DACH2: variants seen among roughly 807,000 people sequenced by gnomAD.
The protein encoded by DACH2 is dachshund homolog 2.
A neutral mutation model predicts 35.8 loss-of-function variants in DACH2; 17 were observed. The observed-to-expected ratio is 0.48, with a 90% CI of 0.33 to 0.71. The LOEUF (loss-of-function observed/expected upper bound fraction) is 0.71, where lower values mean the gene tolerates loss of function less well. DACH2 is among the 30% of genes least tolerant of loss of function. The pLI, the probability that DACH2 is intolerant of heterozygous loss-of-function variation, is 0.02. For missense variants in DACH2, 469 were observed against 472.7 expected, an observed-to-expected ratio of 0.99 and a Z score of 0.07; for synonymous variants, 195 against 177.3, an observed-to-expected ratio of 1.10 and a Z score of -0.79.
At chrX:86,321,142 T>A (rs1184588927) in intron 1 of DACH2, among the ~76,000 whole-genome samples, 1 of 111,443 alleles carries the variant, frequency 9.0e-6, no homozygotes, top group Non-Finnish European at 1.9e-5. Context: ...AAACCCTATA[T>A]CCCCTTTTAG....
intron 2 of DACH2, among the ~76,000 whole-genome samples, chrX:86,451,991 G>T (rs756011732): frequency 9.9e-5 from 11 of 111,113 alleles, no homozygotes; most frequent in Non-Finnish European, 1.9e-4. Flanking sequence ...ATTATTTTGA[G>T]GTATGTTCCT....
intron 1 of DACH2, among the ~76,000 whole-genome samples, chrX:86,288,571 A>G (rs1410332055): frequency 1.8e-5 from 2 of 112,003 alleles, no homozygotes; most frequent in Non-Finnish European, 3.8e-5. Context: ...ATTCTATTGT[A>G]CTGTGGCTAC....
intron 1 of DACH2, among the ~76,000 whole-genome samples, chrX:86,295,678 T>C (rs2034436579): frequency 9.0e-6 from 1 of 110,826 alleles, no homozygotes; most frequent in Non-Finnish European, 1.9e-5. Flanking sequence ...TTTGGTCGGG[T>C]TTTGCTTTTT....
At chrX:86,192,668 T>C (rs999746325) in intron 1 of DACH2, among the ~76,000 whole-genome samples, 1 of 112,420 alleles carries the variant, frequency 8.9e-6, no homozygotes, top group Non-Finnish European at 1.9e-5. Context: ...ACAAGTAGTG[T>C]TCACTAATGT....
intron 2 of DACH2, among the ~76,000 whole-genome samples, chrX:86,464,708 A>T (rs976481898): frequency 9.9e-5 from 11 of 111,637 alleles, no homozygotes; most frequent in Non-Finnish European, 1.9e-4. Context: ...AAAAATAAAT[A>T]TTCAAAAAAG....
At chrX:86,807,061 G>A (rs902348414) in intron 7 of DACH2, among the ~76,000 whole-genome samples, 12 of 111,503 alleles carry the variant, frequency 1.1e-4, no homozygotes, top group Middle Eastern at 4.7e-3. Context: ...CAACAAAATT[G>A]CTCCTGGTTA....
intron 2 of DACH2, among the ~76,000 whole-genome samples, chrX:86,396,615 A>C (rs1423864669): frequency 9.2e-6 from 1 of 108,983 alleles, no homozygotes; most frequent in South Asian, 3.9e-4. Context: ...ATGGCTAGCC[A>C]GTTTTCCCAG....
intron 1 of DACH2, among the ~76,000 whole-genome samples, chrX:86,177,591 T>C (rs1229313297): frequency 1.8e-5 from 2 of 111,594 alleles, no homozygotes; most frequent in African/African-American, 6.5e-5. Flanking sequence ...TTTTCTCTGG[T>C]GGGGCTTGTC....
intron 1 of DACH2, among the ~76,000 whole-genome samples, chrX:86,301,307 T>A: frequency 8.9e-6 from 1 of 111,936 alleles, no homozygotes; most frequent in East Asian, 2.8e-4. Flanking sequence ...GTAGCAGAAT[T>A]TTCTTTGTTT....
intron 1 of DACH2, among the ~76,000 whole-genome samples, chrX:86,345,991 T>A (rs780625455): frequency 8.9e-6 from 1 of 112,396 alleles, no homozygotes; most frequent in African/African-American, 3.2e-5. Context: ...ATGTAGAATC[T>A]GTTTGACTAA....
intron 2 of DACH2, among the ~76,000 whole-genome samples, chrX:86,461,195 T>C (rs961122870): frequency 4.5e-5 from 5 of 111,755 alleles, no homozygotes; most frequent in African/African-American, 1.6e-4. Flanking sequence ...GAATAATTTG[T>C]GCATGTTCAT....
At chrX:86,254,803 T>TAGAGAG (rs1191986026) in intron 1 of DACH2, among the ~76,000 whole-genome samples, 4 of 65,135 alleles carry the variant, frequency 6.1e-5, no homozygotes, top group Non-Finnish European at 1.0e-4. Flanking sequence ...TATATATATA[T>TAGAGAG]ATATAGAGAG....
At chrX:86,326,265 A>C (rs1423993505) in intron 1 of DACH2, among the ~76,000 whole-genome samples, 1 of 110,345 alleles carries the variant, frequency 9.1e-6, no homozygotes, top group Non-Finnish European at 1.9e-5. Context: ...TCACGAGGTC[A>C]GGAGTTTGAG....
At chrX:86,705,184 A>G (rs1369864082) in intron 5 of DACH2, among the ~76,000 whole-genome samples, 1 of 108,078 alleles carries the variant, frequency 9.3e-6, no homozygotes, top group Non-Finnish European at 1.9e-5. Context: ...AAGTGAAGTA[A>G]CTCAGGAATG....
chrX:86,380,792 C>G (rs757217997), intron 2 of DACH2, among the ~76,000 whole-genome samples: 6 of 109,244 alleles, frequency 5.5e-5, no homozygotes, highest in Non-Finnish European at 9.6e-5. Context: ...TATACACAAA[C>G]AACATGCAAT....
chrX:86,434,952 C>T (rs927259248), intron 2 of DACH2, among the ~76,000 whole-genome samples: 8 of 110,273 alleles, frequency 7.3e-5, no homozygotes, highest in African/African-American at 9.9e-5. Flanking sequence ...GGGGGAAGTG[C>T]CACATGCTTT....
At chrX:86,706,853 G>A (rs774640577) in intron 5 of DACH2, among the ~76,000 whole-genome samples, 50 of 110,686 alleles carry the variant, frequency 4.5e-4, no homozygotes, top group Non-Finnish European at 6.6e-4. Flanking sequence ...GCAGTGCTTA[G>A]AGGGAAATAT....
intron 1 of DACH2, among the ~76,000 whole-genome samples, chrX:86,312,105 G>A (rs929399601): frequency 8.9e-6 from 1 of 112,005 alleles, no homozygotes; most frequent in Non-Finnish European, 1.9e-5. Flanking sequence ...GGTAGTCATC[G>A]TTACCAGCTA....
chrX:86,605,794 G>T (rs2039850063), intron 3 of DACH2, among the ~76,000 whole-genome samples: 1 of 107,790 alleles, frequency 9.3e-6, no homozygotes. Flanking sequence ...ACTCAATTTG[G>T]TGTTTTTATT....
Sources: gnomAD v4.1 joint callset for allele counts (sites outside exome capture counted in the v4.1 genomes callset) on GRCh38, gnomAD v4.1.1 for gene constraint, MANE v1.5 for transcripts, NCBI Gene and HGNC (gene_info 2026-07-23, HGNC 2026-07-21) for gene names.